The following TENM2 variants were observed in gnomAD, a reference collection of about 807,000 sequenced individuals.
The protein encoded by TENM2 is teneurin-2.
TENM2 carries 52 observed loss-of-function variants against 245.2 expected under a neutral mutation model. That is an observed-to-expected ratio of 0.21 (90% CI 0.17 to 0.27). The LOEUF is 0.27. Among genes scored for constraint, TENM2 ranks in the 10% least tolerant of loss-of-function variants. The pLI is 1.00. For missense variants in TENM2, 3,046 were observed against 3,666.8 expected (o/e 0.83, Z 4.37); for synonymous variants, 1,363 against 1,438.9 (o/e 0.95, Z 1.19).
intron 2 of TENM2, among the ~76,000 whole-genome samples, chr5:167,718,097 G>A (rs529569697): frequency 6.6e-5 from 10 of 152,208 alleles, no homozygotes; most frequent in South Asian, 6.2e-4. Flanking sequence ...TGTTATTTCC[G>A]GAATCAAAGG....
chr5:167,888,835 A>G (rs1774506883), intron 3 of TENM2, among the ~76,000 whole-genome samples: 1 of 152,196 alleles, frequency 6.6e-6, no homozygotes, highest in South Asian at 2.1e-4. Context: ...TATAAAGCCA[A>G]AGATGAGGGG....
At chr5:167,265,494 A>G in the TENM2 span, among the ~76,000 whole-genome samples, 1 of 152,108 alleles carries the variant, frequency 6.6e-6, no homozygotes, top group African/African-American at 2.4e-5. Context: ...ATTGAGCTTA[A>G]TGGGTTCCAC....
At chr5:168,139,772 G>C (rs1300323615) in intron 12 of TENM2, among the ~76,000 whole-genome samples, 1 of 152,202 alleles carries the variant, frequency 6.6e-6, no homozygotes, top group Non-Finnish European at 1.5e-5. Context: ...ACTGGAAAGT[G>C]AATGTCCCAC....
chr5:168,074,743 C>T (rs1017261209), intron 7 of TENM2, among the ~76,000 whole-genome samples: 3 of 152,292 alleles, frequency 2.0e-5, no homozygotes, highest in African/African-American at 7.2e-5. Flanking sequence ...CATTTTGCAC[C>T]GGATGTCTTC....
At chr5:167,341,160 G>A (rs1011727058) in intron 1 of TENM2, among the ~76,000 whole-genome samples, 10 of 152,280 alleles carry the variant, frequency 6.6e-5, no homozygotes, top group Non-Finnish European at 1.3e-4. Context: ...GCGTGCCACC[G>A]TTTCTCAAAA....
At chr5:167,280,786 C>T (rs1223899143), upstream of TENM2, among the ~76,000 whole-genome samples, 1 of 151,560 alleles carries the variant, frequency 6.6e-6, no homozygotes, top group Non-Finnish European at 1.5e-5. Flanking sequence ...ATCTATCTAT[C>T]TATCTATCTA....
Position 167,794,370 on chromosome 5 carries a change from C to T in TENM2, c.503-81616C>T, listed in dbSNP as rs941457977. Among the ~76,000 whole-genome samples the T allele has an allele frequency of 3.9e-5, 6 of 152,202 alleles. No homozygotes were observed. In the South Asian group the frequency reaches 1.2e-3, roughly 31 times the overall value. ...ATTGTTTTGGTCCTGGCAGCTTAGG[C>T]AGAAAGGTGATAACAGGGTCACGTC... On this transcript the variant is annotated intron_variant, in intron 2 of 28. Coordinates refer to ENST00000518659, the Ensembl canonical transcript of TENM2.
At position 167,311,149 on chromosome 5, in the gene TENM2, G is replaced by A. The variant is rs1756008610; in HGVS notation, c.226+26086G>A. 2.0e-5 allele frequency among the ~76,000 whole-genome samples: 3 copies of A among 152,302 alleles called. No homozygotes were observed. The South Asian group carries it at 6.2e-4, about 32-fold the overall frequency. ...TGACTGCATAACCGAGCTTCATTGA[G>A]GAGCAGGGGACAGGTGCCAGATGAG... On this transcript the variant is annotated intron_variant, in intron 1 of 28. Coordinates refer to ENST00000518659, the Ensembl canonical transcript of TENM2.
intron 2 of TENM2, among the ~76,000 whole-genome samples, chr5:167,573,525 TCTCCCC>T (rs945522571): frequency 3.8e-5 from 3 of 79,576 alleles, no homozygotes; most frequent in Non-Finnish European, 8.4e-5. Flanking sequence ...TCTCTCCCCC[TCTCCCC>T]CTCTCTCTCT....
In TENM2 at chr5:168,083,229, G is replaced by A. The variant is rs893855674; in HGVS notation, c.1516-7345G>A. On this transcript the variant is annotated intron_variant, in intron 7 of 28. Coordinates refer to ENST00000518659, the Ensembl canonical transcript of TENM2. ...CTGTGCCAGCAATAACCGAGGATCC[G>A]TTGGTGTGGGACCCTCTGAGCCATG... Among the ~76,000 whole-genome samples, 11 of 152,316 alleles carry A rather than the reference G, an allele frequency of 7.2e-5. No individual in the cohort carries two copies. The South Asian group carries it at 8.3e-4, about 11-fold the overall frequency.
At chr5:167,176,171 A>T in the TENM2 span, among the ~76,000 whole-genome samples, 1 of 152,178 alleles carries the variant, frequency 6.6e-6, no homozygotes, top group Non-Finnish European at 1.5e-5. Flanking sequence ...TATTCTTTCA[A>T]GCTGATCTTC....
the TENM2 span, among the ~76,000 whole-genome samples, chr5:167,196,442 A>G: frequency 1.3e-5 from 2 of 150,488 alleles, no homozygotes; most frequent in Non-Finnish European, 1.5e-5. Context: ...TAGTTAGAAA[A>G]TATATATGTG....
At chr5:167,388,194 T>C (rs868411330) in intron 2 of TENM2, among the ~76,000 whole-genome samples, 7 of 152,224 alleles carry the variant, frequency 4.6e-5, no homozygotes, top group Admixed American at 2.6e-4. Context: ...ATCTCACTTC[T>C]TGTTATTGGT....
intron 12 of TENM2, among the ~76,000 whole-genome samples, chr5:168,127,934 C>G (rs1795972599): frequency 6.6e-6 from 1 of 152,244 alleles, no homozygotes; most frequent in Non-Finnish European, 1.5e-5. Flanking sequence ...ACCCTCCCCT[C>G]TGTCCCTGCC....
intron 7 of TENM2, among the ~76,000 whole-genome samples, chr5:168,069,853 T>A (rs1201163625): frequency 6.6e-6 from 1 of 152,114 alleles, no homozygotes; most frequent in East Asian, 1.9e-4. Context: ...GTGGTGGGGA[T>A]CTTCTTGAAC....
At chr5:167,007,001 T>A in the TENM2 span, among the ~76,000 whole-genome samples, 821 of 152,272 alleles carry the variant, frequency 5.4e-3, 8 homozygotes, top group African/African-American at 0.018. This position sits in a 1 kb window ranked among gnomAD's most constrained non-coding sequence, Gnocchi z 4.2. Flanking sequence ...CACATTATAA[T>A]ATGCTCCTTT....
intron 2 of TENM2, among the ~76,000 whole-genome samples, chr5:167,605,335 A>G (rs1776954008): frequency 6.6e-6 from 1 of 152,206 alleles, no homozygotes; most frequent in Non-Finnish European, 1.5e-5. Context: ...AGTATGAATC[A>G]GCCTTTGTCT....
intron 25 of TENM2, among the ~76,000 whole-genome samples, chr5:168,235,939 T>C (rs1243222057): frequency 6.6e-6 from 1 of 152,152 alleles, no homozygotes; most frequent in Non-Finnish European, 1.5e-5. Flanking sequence ...GAAGAGTAGG[T>C]AGGAATTTCC....
chr5:167,072,985 A>G, the TENM2 span, among the ~76,000 whole-genome samples: 343 of 152,344 alleles, frequency 2.3e-3, no homozygotes, highest in Non-Finnish European at 3.7e-3. Context: ...TAGATATTCT[A>G]TAATTGTGGT....
Sources: allele counts gnomAD v4.1 joint callset (sites outside exome capture counted in the v4.1 genomes callset), GRCh38; gene constraint gnomAD v4.1.1; non-coding constraint Gnocchi (gnomAD v3.1); transcripts MANE v1.5; gene names NCBI Gene and HGNC (gene_info 2026-07-23, HGNC 2026-07-21).